SPOCK3: variants seen among roughly 807,000 people sequenced by gnomAD.
SPOCK3 encodes the protein testican-3.
A neutral mutation model predicts 56.6 loss-of-function variants in SPOCK3; 30 were observed. That is an observed-to-expected ratio of 0.53 (90% CI 0.40 to 0.72). The LOEUF is 0.72. SPOCK3 is among the 30% of genes least tolerant of loss of function. SPOCK3 has a pLI of 0.00. For missense variants in SPOCK3, 527 were observed against 530.0 expected (o/e 0.99, Z 0.06); for synonymous variants, 196 against 183.3 (o/e 1.07, Z -0.56).
chr4:166,987,081 G>T (rs139398685), intron 4 of SPOCK3, among the ~76,000 whole-genome samples: 2 of 152,234 alleles, frequency 1.3e-5, no homozygotes, highest in African/African-American at 4.8e-5. Context: ...GCCATGGTTT[G>T]CCAGTTACAT....
intron 3 of SPOCK3, among the ~76,000 whole-genome samples, chr4:167,010,627 T>C (rs752684940): frequency 1.3e-5 from 2 of 151,726 alleles, no homozygotes; most frequent in East Asian, 1.9e-4. Context: ...TAAATGTATA[T>C]ATAGCACAAT....
Position 166,755,213 on chromosome 4 carries a change from T to C in SPOCK3, c.710-484A>G, listed in dbSNP as rs181699319. 2.0e-5 allele frequency among the ~76,000 whole-genome samples: 3 copies of C among 152,266 alleles called. No individual in the cohort carries two copies. The East Asian group carries it at 5.8e-4, about 29-fold the overall frequency. On this transcript the variant is annotated intron_variant, in intron 7 of 10. Coordinates refer to ENST00000357545, the MANE Select transcript of SPOCK3 (RefSeq NM_001040159.2). ...AATTCCCTATATCTTGGTAGGATTA[T>C]GGTGACTGTGCTATTTCACATAAAC...
chr4:166,770,976 T>C (rs1464877485), intron 7 of SPOCK3, among the ~76,000 whole-genome samples: 1 of 150,652 alleles, frequency 6.6e-6, no homozygotes, highest in Non-Finnish European at 1.5e-5. Flanking sequence ...CGATCTTGTT[T>C]ATAAATATTT....
intron 2 of SPOCK3, among the ~76,000 whole-genome samples, chr4:167,181,109 T>G (rs2110753970): frequency 6.6e-6 from 1 of 152,292 alleles, no homozygotes; most frequent in Admixed American, 6.5e-5. Context: ...TCCCATTTTT[T>G]CCTTAATCCT....
chr4:166,995,131 G>C (rs1356079600), intron 4 of SPOCK3, among the ~76,000 whole-genome samples: 4 of 152,052 alleles, frequency 2.6e-5, no homozygotes, highest in Non-Finnish European at 5.9e-5. Flanking sequence ...AATAAATTAA[G>C]TGAATTCTCT....
At chr4:166,914,331 A>C (rs1198619727) in intron 4 of SPOCK3, among the ~76,000 whole-genome samples, 2 of 152,140 alleles carry the variant, frequency 1.3e-5, no homozygotes, top group Non-Finnish European at 2.9e-5. Flanking sequence ...TTCCTAACAC[A>C]TATAATTTAA....
chr4:167,039,676 TA>T (rs34598758), intron 3 of SPOCK3, among the ~76,000 whole-genome samples: 75,020 of 150,334 alleles, frequency 0.5, 20,484 homozygotes, highest in East Asian at 0.84. Flanking sequence ...ATTTACTAAA[TA>T]AAAAAAAAAA....
At chr4:167,044,543 A>C (rs1188299761) in intron 3 of SPOCK3, among the ~76,000 whole-genome samples, 1 of 152,054 alleles carries the variant, frequency 6.6e-6, no homozygotes, top group Non-Finnish European at 1.5e-5. Context: ...TCATGTATGC[A>C]TTCAATGGTA....
chr4:167,156,362 C>T (rs956680122), intron 2 of SPOCK3, among the ~76,000 whole-genome samples: 2 of 152,120 alleles, frequency 1.3e-5, no homozygotes, highest in South Asian at 2.1e-4. Context: ...TAACTTAGAA[C>T]GCTTCCAGAT....
At chr4:166,771,058 AATATT>A (rs377145706) in intron 7 of SPOCK3, among the ~76,000 whole-genome samples, 97 of 148,984 alleles carry the variant, frequency 6.5e-4, no homozygotes, top group East Asian at 3.7e-3. Context: ...ATATAAATAT[AATATT>A]ATATTATATT....
At chr4:166,835,012 A>C (rs1261681505) in intron 6 of SPOCK3, among the ~76,000 whole-genome samples, 1 of 152,100 alleles carries the variant, frequency 6.6e-6, no homozygotes, top group Admixed American at 6.5e-5. Context: ...ATTTACCATT[A>C]ATATGTAAAA....
At chr4:167,038,991 AAC>A (rs1383749288) in intron 3 of SPOCK3, among the ~76,000 whole-genome samples, 1 of 152,224 alleles carries the variant, frequency 6.6e-6, no homozygotes, top group African/African-American at 2.4e-5. Context: ...GCTTAAAAAA[AAC>A]AGACATTTAT....
chr4:167,219,251 A>G (rs1735663420), intron 2 of SPOCK3, among the ~76,000 whole-genome samples: 1 of 152,174 alleles, frequency 6.6e-6, no homozygotes, highest in Admixed American at 6.6e-5. Context: ...ACTATACTGT[A>G]TGCCATGAAA....
At chr4:166,922,350 A>G (rs1014672581) in intron 4 of SPOCK3, among the ~76,000 whole-genome samples, 3 of 152,186 alleles carry the variant, frequency 2.0e-5, no homozygotes, top group African/African-American at 7.2e-5. Flanking sequence ...GGATTTTTCT[A>G]TAGTCTAAGA....
At chr4:166,827,334 T>TA (rs1057050647) in intron 6 of SPOCK3, among the ~76,000 whole-genome samples, 1 of 152,056 alleles carries the variant, frequency 6.6e-6, no homozygotes, top group Non-Finnish European at 1.5e-5. Flanking sequence ...TAAGAAGAGG[T>TA]AATTAAGAGA....
At chr4:166,833,658 T>C (rs1746318877) in intron 6 of SPOCK3, among the ~76,000 whole-genome samples, 1 of 152,222 alleles carries the variant, frequency 6.6e-6, no homozygotes. Flanking sequence ...CCCATTCTTT[T>C]TTGCCTCTTT....
chr4:167,038,837 A>G (rs1752999583), intron 3 of SPOCK3, among the ~76,000 whole-genome samples: 1 of 152,152 alleles, frequency 6.6e-6, no homozygotes, highest in East Asian at 1.9e-4. Context: ...AAAACTAGGC[A>G]TTCATCTAGG....
intron 6 of SPOCK3, among the ~76,000 whole-genome samples, chr4:166,797,066 C>T (rs1424931616): frequency 6.6e-6 from 1 of 152,074 alleles, no homozygotes; most frequent in Admixed American, 6.5e-5. Flanking sequence ...ATGTTTATTT[C>T]AGATTGAAGA....
chr4:166,906,924 G>T (rs980962693), intron 5 of SPOCK3, among the ~76,000 whole-genome samples: 1 of 151,988 alleles, frequency 6.6e-6, no homozygotes, highest in African/African-American at 2.4e-5. Context: ...CTGGTCAAAT[G>T]ACTTAAATTC....
Sources: gnomAD v4.1 joint callset for allele counts (sites outside exome capture counted in the v4.1 genomes callset) on GRCh38, gnomAD v4.1.1 for gene constraint, MANE v1.5 for transcripts, NCBI Gene and HGNC (gene_info 2026-07-23, HGNC 2026-07-21) for gene names.